The following SCFD2 variants were observed in gnomAD, a reference collection of about 807,000 sequenced individuals.
The protein encoded by SCFD2 is sec1 family domain containing 2.
SCFD2 carries 54 observed loss-of-function variants against 58.9 expected under a neutral mutation model. That is an observed-to-expected ratio of 0.92 (90% confidence interval 0.74 to 1.15). SCFD2 has a LOEUF of 1.15. SCFD2 is among the 50% of genes most tolerant of loss of function. SCFD2 has a pLI of 0.00. For synonymous variants in SCFD2, 321 were observed against 335.9 expected (o/e 0.96, Z 0.49); for missense variants, 805 against 836.6 (o/e 0.96, Z 0.47).
intron 7 of SCFD2, among the ~76,000 whole-genome samples, chr4:52,902,870 G>C (rs1719238806): frequency 6.6e-6 from 1 of 152,192 alleles, no homozygotes; most frequent in Non-Finnish European, 1.5e-5. Context: ...CTTTCTGTTG[G>C]CTCTTGTAAA....
chr4:52,934,860 G>A (rs569961265), intron 5 of SCFD2, among the ~76,000 whole-genome samples: 3 of 152,284 alleles, frequency 2.0e-5, no homozygotes, highest in South Asian at 2.1e-4. Context: ...AGATGACCAC[G>A]CTAGATTAAG....
chr4:53,194,101 C>A (rs1727990310), intron 4 of SCFD2, among the ~76,000 whole-genome samples: 1 of 152,186 alleles, frequency 6.6e-6, no homozygotes, highest in Non-Finnish European at 1.5e-5. Flanking sequence ...ACACATACAA[C>A]CAACATATAC....
chr4:53,054,945 T>C (rs187456060), intron 5 of SCFD2, among the ~76,000 whole-genome samples: 233 of 152,252 alleles, frequency 1.5e-3, no homozygotes, highest in African/African-American at 5.3e-3. Flanking sequence ...TGAGCCATTG[T>C]CCCTGGCCTG....
At chr4:53,033,033 T>C (rs1463721440) in intron 5 of SCFD2, among the ~76,000 whole-genome samples, 6 of 152,120 alleles carry the variant, frequency 3.9e-5, no homozygotes, top group Non-Finnish European at 8.8e-5. Flanking sequence ...CAGCACCTCA[T>C]TGCACATATT....
intron 5 of SCFD2, chr4:52,956,091 G>T (rs1475258470): frequency 2.2e-6 from 1 of 456,400 alleles, no homozygotes. Context: ...AGGTCTCTGA[G>T]ATGCAACACA....
chr4:53,130,469 G>C (rs1365443356), intron 5 of SCFD2, among the ~76,000 whole-genome samples: 1 of 152,074 alleles, frequency 6.6e-6, no homozygotes, highest in African/African-American at 2.4e-5. Context: ...TTTGTACATT[G>C]GTATCCCTTC....
At chr4:52,915,595 C>T (rs921225171) in intron 6 of SCFD2, among the ~76,000 whole-genome samples, 4 of 152,150 alleles carry the variant, frequency 2.6e-5, no homozygotes, top group African/African-American at 9.7e-5. Context: ...ATCCATCCAT[C>T]CATCCATCCA....
intron 4 of SCFD2, among the ~76,000 whole-genome samples, chr4:53,227,568 T>C (rs1226447838): frequency 1.3e-5 from 2 of 152,196 alleles, no homozygotes; most frequent in Non-Finnish European, 2.9e-5. Flanking sequence ...AAACTATATT[T>C]GTTGTTTGGA....
At chr4:53,335,761 G>C (rs781714275) in intron 2 of SCFD2, among the ~76,000 whole-genome samples, 1 of 151,952 alleles carries the variant, frequency 6.6e-6, no homozygotes, top group African/African-American at 2.4e-5. Flanking sequence ...ATACCAAGCA[G>C]CTAAAATATA....
intron 5 of SCFD2, among the ~76,000 whole-genome samples, chr4:53,058,603 G>A (rs1723417483): frequency 6.6e-6 from 1 of 152,126 alleles, no homozygotes; most frequent in Non-Finnish European, 1.5e-5. Flanking sequence ...TTTAAAGACT[G>A]ATAGGAAATT....
intron 5 of SCFD2, among the ~76,000 whole-genome samples, chr4:53,094,155 G>T (rs1214948450): frequency 6.6e-6 from 1 of 152,072 alleles, no homozygotes; most frequent in African/African-American, 2.4e-5. Context: ...TTGTTGTAGA[G>T]TAGCCTAACT....
chr4:52,874,245 G>A (rs571350872), intron 8 of SCFD2, among the ~76,000 whole-genome samples, 184 bp from the exon 9 acceptor site: 28 of 152,036 alleles, frequency 1.8e-4, no homozygotes, highest in African/African-American at 6.5e-4. Context: ...CCTGGAAGGA[G>A]GGGGGCACAG....
rs146560916 is a variant in SCFD2, at chr4:52,873,070, G to A, written c.*899C>T. ...CAAACATGTGGGTTGCAAGTGGTTCGTTTTTGCCCTGGAGTTCTTACAAAG... is the reference window on the plus strand; with the variant it reads ...CAAACATGTGGGTTGCAAGTGGTTCATTTTTGCCCTGGAGTTCTTACAAAG... On this transcript the variant is annotated 3_prime_UTR_variant, in exon 9 of 9. Transcript: ENST00000401642. 6 of 152,322 alleles carry A rather than the reference G, an allele frequency of 3.9e-5. No individual in the cohort carries two copies. The East Asian group carries it at 9.7e-4, about 25-fold the overall frequency. The allele number at this position is 152,322 out of a possible 1,614,324, so 9.4% of individuals were successfully genotyped here. A position where few individuals can be genotyped will look rare whatever the true frequency, so the allele number is the denominator to read the frequency against.
chr4:53,108,347 A>C (rs1452810080), intron 5 of SCFD2, among the ~76,000 whole-genome samples: 3 of 152,060 alleles, frequency 2.0e-5, no homozygotes, highest in Admixed American at 2.0e-4. Flanking sequence ...TCAAAAGCTA[A>C]CAGAAGACAA....
At position 53,305,082 on chromosome 4, in the gene SCFD2, G is replaced by A. The variant is rs1732470640; in HGVS notation, c.1135+8554C>T. On this transcript the variant is annotated intron_variant, in intron 3 of 8. Transcript: ENST00000401642. ...CTTCTAACAGTTAGGACTCTCTGCT[G>A]CAGGTCTGCTTAAAGTCCATCCATG... Among the ~76,000 whole-genome samples, 2 of 152,014 alleles carry A rather than the reference G, an allele frequency of 1.3e-5. 1 individual carries two copies. Among genetic ancestry groups the A allele is most frequent in the South Asian group, 4.1e-4 (2 of 4,826 alleles).
intron 1 of SCFD2, among the ~76,000 whole-genome samples, chr4:53,363,221 T>C (rs1206981435): frequency 6.6e-6 from 1 of 152,098 alleles, no homozygotes; most frequent in Non-Finnish European, 1.5e-5. Flanking sequence ...CTGCAACCTC[T>C]GCCTTCTGGG....
intron 5 of SCFD2, among the ~76,000 whole-genome samples, chr4:52,971,419 A>G (rs1721098326): frequency 1.3e-5 from 2 of 152,238 alleles, no homozygotes; most frequent in African/African-American, 4.8e-5. Context: ...GGTATCAGTG[A>G]TGGAAAATCA....
chr4:52,933,467 A>G (rs1324225086), intron 5 of SCFD2, among the ~76,000 whole-genome samples: 2 of 152,212 alleles, frequency 1.3e-5, no homozygotes, highest in Non-Finnish European at 2.9e-5. Context: ...GTTTCTGTGC[A>G]GGGACAATTT....
intron 5 of SCFD2, among the ~76,000 whole-genome samples, chr4:53,025,623 C>T (rs1197644785): frequency 6.6e-6 from 1 of 152,106 alleles, no homozygotes; most frequent in Non-Finnish European, 1.5e-5. Context: ...ACCGACTATC[C>T]AAGAGCTGAA....
Sources: gnomAD v4.1 joint callset for allele counts (sites outside exome capture counted in the v4.1 genomes callset) on GRCh38, gnomAD v4.1.1 for gene constraint, MANE v1.5 for transcripts, NCBI Gene and HGNC (gene_info 2026-07-23, HGNC 2026-07-21) for gene names.